The following TENM4 variants were observed in gnomAD, a reference collection of about 807,000 sequenced individuals.
TENM4 encodes the protein teneurin transmembrane protein 4.
A neutral mutation model predicts 243.3 loss-of-function variants in TENM4; 82 were observed. The observed-to-expected ratio is 0.34, with a 90% CI of 0.28 to 0.40. TENM4 has a LOEUF of 0.40. TENM4 is among the 10% of genes least tolerant of loss of function. The probability of loss-of-function intolerance (pLI) is 1.00; values close to 1 mark genes in which losing one functional copy is unlikely to be tolerated. For missense variants in TENM4, 3,138 were observed against 3,673.3 expected, an observed-to-expected ratio of 0.85 and a Z score of 3.77; for synonymous variants, 1,412 against 1,456.3, an observed-to-expected ratio of 0.97 and a Z score of 0.69.
chr11:78,933,995 G>T (rs905660836), intron 6 of TENM4, among the ~76,000 whole-genome samples: 1 of 152,192 alleles, frequency 6.6e-6, no homozygotes, highest in South Asian at 2.1e-4. Flanking sequence ...TCTAGCACAA[G>T]GGTGCACTGG....
chr11:78,952,643 G>A (rs868622142), intron 6 of TENM4, among the ~76,000 whole-genome samples: 6 of 152,158 alleles, frequency 3.9e-5, no homozygotes, highest in African/African-American at 1.2e-4. Context: ...ATAGCAGACC[G>A]GTGATCACAA....
intron 6 of TENM4, among the ~76,000 whole-genome samples, chr11:79,014,053 A>G (rs963216223): frequency 6.6e-6 from 1 of 152,008 alleles, no homozygotes; most frequent in African/African-American, 2.4e-5. Context: ...CTGGGCAGGA[A>G]CTCTTGTTAT....
intron 19 of TENM4, among the ~76,000 whole-genome samples, chr11:78,748,830 G>A (rs1856114223): frequency 6.6e-6 from 1 of 152,164 alleles, no homozygotes; most frequent in African/African-American, 2.4e-5. Context: ...CGCATGCTAT[G>A]AGCCAGACAT....
At chr11:79,432,823 C>G (rs1859196460) in intron 1 of TENM4, among the ~76,000 whole-genome samples, 1 of 152,138 alleles carries the variant, frequency 6.6e-6, no homozygotes, top group African/African-American at 2.4e-5. Context: ...TACAAAGTTG[C>G]CATTCTAGGA....
chr11:79,313,312 G>A (rs1234704486), intron 1 of TENM4, among the ~76,000 whole-genome samples: 2 of 152,112 alleles, frequency 1.3e-5, no homozygotes, highest in Non-Finnish European at 2.9e-5. Context: ...CCAGCTGAGG[G>A]TTCTGAAGAT....
chr11:79,057,014 C>T (rs1332465213), intron 6 of TENM4, among the ~76,000 whole-genome samples: 1 of 152,166 alleles, frequency 6.6e-6, no homozygotes, highest in Non-Finnish European at 1.5e-5. Flanking sequence ...TATCCCCATC[C>T]ACAGGTACAG....
intron 15 of TENM4, among the ~76,000 whole-genome samples, chr11:78,791,578 T>C (rs1239049347): frequency 6.6e-6 from 1 of 152,242 alleles, no homozygotes; most frequent in Non-Finnish European, 1.5e-5. Context: ...CAGTGGGCAC[T>C]GGAGATCCCA....
At position 78,856,952 on chromosome 11, in the gene TENM4, A is replaced by T. The variant is rs377571970; in HGVS notation, c.1256-774T>A. Among the ~76,000 whole-genome samples the T allele has an allele frequency of 5.9e-5, 9 of 152,316 alleles. No individual in the cohort carries two copies. In the South Asian group the frequency reaches 1.2e-3, roughly 21 times the overall value. ...CTAAGCATCCATGCAGGGTGTCATG[A>T]GTAAAGTCTCTCGGCCATTTCTATA... On this transcript the variant is annotated intron_variant, in intron 10 of 33. Coordinates refer to ENST00000278550, the MANE Select transcript of TENM4 (RefSeq NM_001098816.3).
At chr11:79,052,735 A>G (rs1046152958) in intron 6 of TENM4, among the ~76,000 whole-genome samples, 4 of 152,182 alleles carry the variant, frequency 2.6e-5, no homozygotes, top group South Asian at 2.1e-4. Flanking sequence ...CTCTCAGCCA[A>G]TGGCAGCACT....
intron 6 of TENM4, among the ~76,000 whole-genome samples, chr11:79,015,494 G>T (rs1428024879): frequency 6.6e-6 from 1 of 152,042 alleles, no homozygotes; most frequent in Non-Finnish European, 1.5e-5. Flanking sequence ...GTGTGTGTGT[G>T]TGTGTGTGTG....
chr11:79,145,703 CCAAA>C (rs1249804447), intron 4 of TENM4, among the ~76,000 whole-genome samples: 3 of 152,024 alleles, frequency 2.0e-5, no homozygotes, highest in African/African-American at 7.2e-5. Context: ...GCTGATATTG[CCAAA>C]CAGTTTTCCA....
intron 1 of TENM4, among the ~76,000 whole-genome samples, chr11:79,415,934 A>G (rs985765718): frequency 3.4e-5 from 5 of 149,214 alleles, no homozygotes; most frequent in African/African-American, 5.0e-5. Flanking sequence ...CCTGCTTCCT[A>G]TCACAATAGA....
At chr11:79,103,861 C>T (rs184302068) in intron 4 of TENM4, among the ~76,000 whole-genome samples, 63 of 152,154 alleles carry the variant, frequency 4.1e-4, no homozygotes, top group East Asian at 2.7e-3. Flanking sequence ...ATTGGGCCTC[C>T]GGAATGGAAG....
intron 18 of TENM4, among the ~76,000 whole-genome samples, chr11:78,758,815 T>C (rs956545232): frequency 3.9e-4 from 60 of 152,308 alleles, no homozygotes; most frequent in African/African-American, 1.4e-3. Flanking sequence ...ATTCCAGAGA[T>C]AGACTGTCTG....
intron 6 of TENM4, among the ~76,000 whole-genome samples, chr11:78,911,985 G>T (rs894020218): frequency 6.6e-6 from 1 of 152,162 alleles, no homozygotes; most frequent in Non-Finnish European, 1.5e-5. Flanking sequence ...AAAGCTTCTA[G>T]GAAGAGCAAG....
intron 33 of TENM4, among the ~76,000 whole-genome samples, chr11:78,660,605 C>T (rs942116646): frequency 6.6e-5 from 10 of 152,144 alleles, no homozygotes; most frequent in African/African-American, 2.4e-4. Context: ...CAGCAGCAAG[C>T]CATCTGGCAA....
intron 12 of TENM4, among the ~76,000 whole-genome samples, chr11:78,837,844 AT>A (rs1196704726): frequency 6.6e-6 from 1 of 152,204 alleles, no homozygotes; most frequent in Non-Finnish European, 1.5e-5. Flanking sequence ...ATATTTTATT[AT>A]ATGCTTTCTT....
chr11:79,194,019 G>A (rs992435482), intron 3 of TENM4, among the ~76,000 whole-genome samples: 2 of 152,082 alleles, frequency 1.3e-5, no homozygotes, highest in Admixed American at 6.5e-5. Context: ...GAGGGACTCA[G>A]GGGGAGGTAA....
intron 6 of TENM4, among the ~76,000 whole-genome samples, chr11:78,951,731 A>C (rs1041003696): frequency 6.6e-6 from 1 of 152,066 alleles, no homozygotes; most frequent in African/African-American, 2.4e-5. Flanking sequence ...CTCTACCCTT[A>C]TGACCTTATT....
Sources: gnomAD v4.1 joint callset for allele counts (sites outside exome capture counted in the v4.1 genomes callset) on GRCh38, gnomAD v4.1.1 for gene constraint, MANE v1.5 for transcripts, NCBI Gene and HGNC (gene_info 2026-07-23, HGNC 2026-07-21) for gene names.